The following CLCF1 variants were observed in gnomAD, a reference collection of about 807,000 sequenced individuals.
CLCF1 encodes the protein cardiotrophin like cytokine factor 1.
A neutral mutation model predicts 21.2 loss-of-function variants in CLCF1; 10 were observed. The ratio of observed to expected loss-of-function variants is 0.47; its 90% CI spans 0.29 to 0.80. The LOEUF is 0.80. CLCF1 is among the 30% of genes least tolerant of loss of function. The pLI is 0.09. For synonymous variants in CLCF1, 115 were observed against 120.5 expected (o/e 0.95, Z 0.30); for missense variants, 240 against 293.4 (o/e 0.82, Z 1.33).
chr11:67,370,551 C>CCTATCCTGGCCCCCACCCT, intron 1 of CLCF1: 1 of 984,798 alleles, frequency 1.0e-6, no homozygotes, highest in African/African-American at 1.8e-5. Flanking sequence ...CCCCCCACCC[C>CCTATCCTGGCCCCCACCCT]CGGCCAGCCC....
At chr11:67,373,443 G>A in intron 1 of CLCF1, 81 bp downstream of exon 1, 5 of 764,278 alleles carry the variant, frequency 6.5e-6, no homozygotes. Flanking sequence ...CGGGGCTCCC[G>A]GGGGTCAGGG....
At chr11:67,368,898 G>A (rs1862170790) in intron 1 of CLCF1, 1 of 706,144 alleles carries the variant, frequency 1.4e-6, no homozygotes, top group Non-Finnish European at 1.7e-6. Context: ...CTTTCCTATA[G>A]TTCTTTTTTT....
At chr11:67,366,856 T>C (rs1439458042) in intron 2 of CLCF1, among the ~76,000 whole-genome samples, 1 of 151,922 alleles carries the variant, frequency 6.6e-6, no homozygotes, top group African/African-American at 2.4e-5. Context: ...CCTCCAACCC[T>C]CCTTCCTTCT....
At chr11:67,368,995 T>C (rs997483320) in intron 1 of CLCF1, 1 of 981,600 alleles carries the variant, frequency 1.0e-6, no homozygotes, top group African/African-American at 1.8e-5. Flanking sequence ...TTTTCTATAA[T>C]GACATAGGTT....
Position 67,367,615 on chromosome 11 carries a change from C to T in CLCF1, c.28G>A (p.Gly10Arg), listed in dbSNP as rs145282707. Reference protein sequence around the residue: MDLRAGDSWGMLACLCTVLW... With the variant: MDLRAGDSWRMLACLCTVLW... ...ACCGTGCACAGGCACGCTAACATCC[C>T]CCACGAGTCCCCTGTGGGCAGGATG... The change falls in exon 2 of 3, where the codon GGG (glycine) becomes AGG (arginine). Residue 10 changes from glycine to arginine, a missense_variant. Coordinates refer to ENST00000312438, the MANE Select transcript of CLCF1 (RefSeq NM_013246.3). The T allele has an allele frequency of 5.0e-6, 8 of 1,613,308 alleles. No homozygotes were observed. In the East Asian group the frequency reaches 1.6e-4, roughly 31 times the overall value.
At chr11:67,370,494 T>C in intron 1 of CLCF1, 2 of 983,616 alleles carry the variant, frequency 2.0e-6, no homozygotes, top group Middle Eastern at 5.2e-4. Context: ...TAAATCCGGC[T>C]GAGCACGTGA....
At position 67,365,631 on chromosome 11, in the gene CLCF1, C is replaced by T. The variant is rs1356487749; in HGVS notation, c.184-1G>A. 1 of 1,605,958 alleles carries T rather than the reference C, an allele frequency of 6.2e-7. No homozygotes were observed. The highest frequency in any genetic ancestry group is 8.5e-7 in the Non-Finnish European group (1 of 1,174,152). On this transcript the variant is annotated splice_acceptor_variant, in intron 2 of 2. Transcript: ENST00000312438. LOFTEE classifies it high-confidence loss of function. The surrounding 1 kb of genome is among the most constrained non-coding windows in gnomAD (Gnocchi z 5.0). Reference sequence around the variant, plus strand: ...TGAAAGGGGGGCCCAGGTAGTTCAGCTGTGAAAAGGAGAGGGTGATGGGGA... The same window carrying T: ...TGAAAGGGGGGCCCAGGTAGTTCAGTTGTGAAAAGGAGAGGGTGATGGGGA...
upstream of CLCF1, chr11:67,373,656 G>A (rs1411956696): frequency 7.2e-6 from 9 of 1,253,274 alleles, no homozygotes; most frequent in Middle Eastern, 2.1e-4. Context: ...CCACTCGCAG[G>A]TTTTTTTCGC....
upstream of CLCF1, chr11:67,373,782 TAGGAGGGGGG>T: frequency 2.1e-6 from 2 of 964,424 alleles, no homozygotes; most frequent in Non-Finnish European, 2.4e-6. Flanking sequence ...GGGGTGGGGG[TAGGAGGGGGG>T]AGGAGGGAAG....
chr11:67,367,630 T>C lies in CLCF1; in HGVS notation c.17-4A>G, dbSNP rs1862140623. 1 of 1,612,168 alleles carries C rather than the reference T, an allele frequency of 6.2e-7. No homozygotes were observed. Among genetic ancestry groups the C allele is most frequent in the South Asian group, 1.1e-5 (1 of 90,996 alleles). On this transcript the variant is annotated splice_region_variant and splice_polypyrimidine_tract_variant and intron_variant, in intron 1 of 2. Coordinates refer to ENST00000312438, the MANE Select transcript of CLCF1 (RefSeq NM_013246.3). ...GCTAACATCCCCCACGAGTCCCCTG[T>C]GGGCAGGATGGACGAGAAGCATGAG...
At chr11:67,373,392 C>T in intron 1 of CLCF1, 132 bp downstream of exon 1, 1 of 444,998 alleles carries the variant, frequency 2.2e-6, no homozygotes, top group Non-Finnish European at 3.9e-6. Flanking sequence ...CCAGCCGTGC[C>T]TCCCCCGGCC....
chr11:67,366,326 G>A (rs970416466), intron 2 of CLCF1, among the ~76,000 whole-genome samples: 2 of 152,140 alleles, frequency 1.3e-5, no homozygotes, highest in Non-Finnish European at 2.9e-5. Flanking sequence ...TTCTGCACAA[G>A]GAACAAGAGA....
In CLCF1 at chr11:67,364,309, T is replaced by G. The variant is rs1862055088; in HGVS notation, c.*827A>C. 2 of 152,478 alleles carry G rather than the reference T, an allele frequency of 1.3e-5. No individual in the cohort carries two copies. The highest frequency in any genetic ancestry group is 4.1e-4 in the South Asian group (2 of 4,822). 9.4% of individuals were successfully genotyped at this position (152,478 alleles called of 1,614,324 possible). ...GTGGGTGGGGCTGGGGGGCAGGGCC[T>G]TGGGGAGCTGCCACCCTACACCCCA... On this transcript the variant is annotated 3_prime_UTR_variant, in exon 3 of 3. Coordinates refer to ENST00000312438, the MANE Select transcript of CLCF1 (RefSeq NM_013246.3).
chr11:67,369,028 T>C (rs1862176524), intron 1 of CLCF1: 3 of 979,022 alleles, frequency 3.1e-6, no homozygotes, highest in Non-Finnish European at 3.6e-6. Flanking sequence ...AGAAATAACT[T>C]AGATAGGTAT....
At chr11:67,367,653 G>T (rs763011438) in intron 1 of CLCF1, 27 bp from the exon 2 acceptor site, 2 of 1,608,010 alleles carry the variant, frequency 1.2e-6, no homozygotes, top group Non-Finnish European at 8.5e-7. Context: ...CGAGAAGCAT[G>T]AGCGCGGCCC....
chr11:67,371,767 G>A (rs1190916764), intron 1 of CLCF1, among the ~76,000 whole-genome samples: 1 of 152,028 alleles, frequency 6.6e-6, no homozygotes, highest in South Asian at 2.1e-4. Flanking sequence ...GGAGAGTGCA[G>A]GAGCCAGGTG....
Position 67,365,473 on chromosome 11 carries a change from A to G in CLCF1, c.341T>C (p.Leu114Pro). 1 of 1,614,088 alleles carries G rather than the reference A, an allele frequency of 6.2e-7. No homozygotes were observed. Among genetic ancestry groups the G allele is most frequent in the East Asian group, 2.2e-5 (1 of 44,878 alleles). Residue 114 changes from leucine to proline, a missense_variant, in exon 3 of 3, where the codon CTG becomes CCG. Coordinates refer to ENST00000312438, the MANE Select transcript of CLCF1 (RefSeq NM_013246.3). The surrounding 1 kb of genome is among the most constrained non-coding windows in gnomAD (Gnocchi z 5.0). Reference sequence around the variant, plus strand: ...ACGGTTGAGGCCACGCAAGTAACACAGAAGGTGGCTGTAGGCCTCGTAGTT... The same window carrying G: ...ACGGTTGAGGCCACGCAAGTAACACGGAAGGTGGCTGTAGGCCTCGTAGTT... Reference protein sequence around the residue: ...TQNYEAYSHLLCYLRGLNRQA... With the variant: ...TQNYEAYSHLPCYLRGLNRQA...
intron 1 of CLCF1, chr11:67,368,892 C>A: frequency 1.0e-6 from 1 of 959,352 alleles, no homozygotes; most frequent in Non-Finnish European, 1.2e-6. Flanking sequence ...TGGTTTCTTT[C>A]CTATAGTTCT....
intron 1 of CLCF1, 28 bp downstream of exon 1, chr11:67,373,496 G>A: frequency 8.1e-7 from 1 of 1,234,022 alleles, no homozygotes; most frequent in Non-Finnish European, 1.1e-6. Context: ...CGGGGCGGGG[G>A]TCGGGGCCTC....
Sources: allele counts gnomAD v4.1 joint callset (sites outside exome capture counted in the v4.1 genomes callset), GRCh38; gene constraint gnomAD v4.1.1; non-coding constraint Gnocchi (gnomAD v3.1); transcripts MANE v1.5; gene names NCBI Gene and HGNC (gene_info 2026-07-23, HGNC 2026-07-21).